Variants in CNTN4 observed in about 807,000 individuals in gnomAD.
The protein encoded by CNTN4 is contactin-4.
A neutral mutation model predicts 122.5 loss-of-function variants in CNTN4; 77 were observed. That is an observed-to-expected ratio of 0.63 (90% CI 0.52 to 0.76). The LOEUF is 0.76. Ranked by LOEUF, CNTN4 falls within the 30% of genes least tolerant of loss-of-function variation. The pLI is 0.00. For synonymous variants in CNTN4, 512 were observed against 447.0 expected (o/e 1.15, Z -1.83); for missense variants, 1,256 against 1,259.1 (o/e 1.00, Z 0.04).
intron 6 of CNTN4, among the ~76,000 whole-genome samples, chr3:2,801,182 C>G (rs1283778349): frequency 6.6e-6 from 1 of 152,196 alleles, no homozygotes; most frequent in Admixed American, 6.5e-5. Context: ...CTGGACTCTG[C>G]TTTATGAACA....
At chr3:2,647,523 G>A (rs375306063) in intron 4 of CNTN4, among the ~76,000 whole-genome samples, 18 of 152,138 alleles carry the variant, frequency 1.2e-4, no homozygotes, top group African/African-American at 3.4e-4. Flanking sequence ...GATTTTTATA[G>A]CCTGTGCATC....
chr3:2,293,012 A>G (rs536789571), intron 2 of CNTN4, among the ~76,000 whole-genome samples: 1 of 152,306 alleles, frequency 6.6e-6, no homozygotes, highest in South Asian at 2.1e-4. Context: ...ACTGTTACCA[A>G]CAATGCATGG....
intron 4 of CNTN4, among the ~76,000 whole-genome samples, chr3:2,618,656 A>G (rs1309611907): frequency 6.6e-6 from 1 of 152,194 alleles, no homozygotes; most frequent in African/African-American, 2.4e-5. Context: ...ACAGAAAGTC[A>G]GGCTCTGGAG....
At chr3:2,209,529 A>C (rs968111160) in intron 2 of CNTN4, among the ~76,000 whole-genome samples, 3 of 152,052 alleles carry the variant, frequency 2.0e-5, no homozygotes, top group Non-Finnish European at 2.9e-5. Flanking sequence ...AGTAACAAAA[A>C]AGGTCCCTGT....
In CNTN4 at chr3:2,308,819, C is replaced by T. The variant is rs115538790; in HGVS notation, c.-144-30359C>T. On this transcript the variant is annotated intron_variant, in intron 2 of 24. Transcript: ENST00000418658. ...TCATTTTTTATATTATTTATAAAACCGTTAATATTTCAATATCTCTAAAAT... is the reference window on the plus strand; with the variant it reads ...TCATTTTTTATATTATTTATAAAACTGTTAATATTTCAATATCTCTAAAAT... Among the ~76,000 whole-genome samples, 1,126 of 151,846 alleles carry T rather than the reference C, an allele frequency of 7.4e-3. 13 individuals carry two copies. Among genetic ancestry groups the T allele is most frequent in the African/African-American group, 0.025 (1,017 of 41,434 alleles).
intron 3 of CNTN4, among the ~76,000 whole-genome samples, chr3:2,373,107 C>T (rs1412874865): frequency 6.6e-6 from 1 of 152,116 alleles, no homozygotes; most frequent in African/African-American, 2.4e-5. Flanking sequence ...TTCTAATCCC[C>T]CTGGGGTTCC....
chr3:2,596,083 GT>G (rs2080757226), intron 4 of CNTN4, among the ~76,000 whole-genome samples: 3 of 152,262 alleles, frequency 2.0e-5, no homozygotes, highest in Admixed American at 6.5e-5. Flanking sequence ...TTACATGAAG[GT>G]TTAATTAAAA....
At chr3:3,043,854 G>T in intron 23 of CNTN4, 150 bp downstream of exon 23, 1 of 688,328 alleles carries the variant, frequency 1.5e-6, no homozygotes. Flanking sequence ...GGTTTGATCT[G>T]AGTTGTATAA....
chr3:3,048,290 A>G (rs1316318459), intron 23 of CNTN4, among the ~76,000 whole-genome samples: 2 of 152,248 alleles, frequency 1.3e-5, no homozygotes, highest in Non-Finnish European at 2.9e-5. Context: ...ACAATACAGT[A>G]TAACAACTAT....
At chr3:2,407,005 G>A (rs1034253834) in intron 3 of CNTN4, among the ~76,000 whole-genome samples, 4 of 152,140 alleles carry the variant, frequency 2.6e-5, no homozygotes. Context: ...TTAAATTCCA[G>A]TTGCACTTAT....
chr3:2,943,589 A>AAC (rs917266770), intron 13 of CNTN4, among the ~76,000 whole-genome samples: 75 of 144,930 alleles, frequency 5.2e-4, no homozygotes, highest in African/African-American at 1.7e-3. Context: ...ACTCCTAGGT[A>AAC]ATATATAAAT....
chr3:2,822,729 A>G (rs1421250656), intron 7 of CNTN4, among the ~76,000 whole-genome samples: 2 of 152,196 alleles, frequency 1.3e-5, no homozygotes, highest in Non-Finnish European at 2.9e-5. Flanking sequence ...CTGCTACGCA[A>G]TGAAGTACCT....
intron 6 of CNTN4, among the ~76,000 whole-genome samples, chr3:2,772,352 T>G (rs921415644): frequency 6.6e-6 from 1 of 151,776 alleles, no homozygotes; most frequent in African/African-American, 2.4e-5. Context: ...AAAAATACTT[T>G]TGTGGTGAAA....
At chr3:2,367,966 C>G (rs978280064) in intron 3 of CNTN4, among the ~76,000 whole-genome samples, 1 of 151,716 alleles carries the variant, frequency 6.6e-6, no homozygotes, top group Admixed American at 6.6e-5. Context: ...AAGCATGAAC[C>G]TTCTCAGTGG....
At chr3:2,944,791 A>G (rs1308368282) in intron 13 of CNTN4, among the ~76,000 whole-genome samples, 1 of 152,112 alleles carries the variant, frequency 6.6e-6, no homozygotes, top group African/African-American at 2.4e-5. Flanking sequence ...TTGCATACAG[A>G]AGGTTTATAG....
At chr3:2,389,961 G>A (rs540464711) in intron 3 of CNTN4, among the ~76,000 whole-genome samples, 22 of 152,260 alleles carry the variant, frequency 1.4e-4, no homozygotes, top group Non-Finnish European at 3.2e-4. Context: ...GATTAAAGGA[G>A]ATTAAAGGGA....
chr3:3,047,855 G>A (rs1245352070), intron 23 of CNTN4, among the ~76,000 whole-genome samples: 1 of 151,760 alleles, frequency 6.6e-6, no homozygotes, highest in Non-Finnish European at 1.5e-5. Context: ...TTTTTGAAAA[G>A]ATCAACAAAA....
At chr3:3,013,556 C>T (rs1373151738) in intron 14 of CNTN4, among the ~76,000 whole-genome samples, 1 of 152,080 alleles carries the variant, frequency 6.6e-6, no homozygotes, top group Non-Finnish European at 1.5e-5. Flanking sequence ...TATTGACCGC[C>T]AGGGTGCCCA....
chr3:2,668,477 T>C (rs1191441043), intron 4 of CNTN4, among the ~76,000 whole-genome samples: 2 of 152,246 alleles, frequency 1.3e-5, no homozygotes, highest in Non-Finnish European at 2.9e-5. Flanking sequence ...GCTTATCAAC[T>C]TAAGGAGATT....
Sources: allele counts gnomAD v4.1 joint callset (sites outside exome capture counted in the v4.1 genomes callset), GRCh38; gene constraint gnomAD v4.1.1; transcripts MANE v1.5; gene names NCBI Gene and HGNC (gene_info 2026-07-23, HGNC 2026-07-21).